Variants in PLXNA4 observed in about 807,000 individuals in gnomAD.
PLXNA4 encodes the protein plexin-A4.
PLXNA4 carries 44 observed loss-of-function variants against 191.8 expected under a neutral mutation model. The ratio of observed to expected loss-of-function variants is 0.23; its 90% CI spans 0.18 to 0.29. PLXNA4 has a LOEUF of 0.29. Among genes scored for constraint, PLXNA4 ranks in the 10% least tolerant of loss-of-function variants. The pLI is 1.00. For missense variants in PLXNA4, 1,800 were observed against 2,488.8 expected (o/e 0.72, Z 5.89); for synonymous variants, 1,082 against 1,009.5 (o/e 1.07, Z -1.36).
chr7:132,292,079 G>A (rs1048804263), intron 4 of PLXNA4, among the ~76,000 whole-genome samples: 6 of 152,204 alleles, frequency 3.9e-5, no homozygotes, highest in Non-Finnish European at 8.8e-5. Flanking sequence ...GCAGGCGTGA[G>A]CCCCCACACT....
At chr7:132,563,829 T>C (rs1484151060) in intron 1 of PLXNA4, among the ~76,000 whole-genome samples, 152 of 23,862 alleles carry the variant, frequency 6.4e-3, no homozygotes, top group Middle Eastern at 0.042. Flanking sequence ...TCCTCCTCCT[T>C]CTCCTCCTCC....
At chr7:132,171,053 C>T (rs1796271562) in intron 21 of PLXNA4, among the ~76,000 whole-genome samples, 1 of 152,222 alleles carries the variant, frequency 6.6e-6, no homozygotes, top group Admixed American at 6.5e-5. Flanking sequence ...TTTACCTTGC[C>T]ATCAGCCCGG....
In PLXNA4 at chr7:132,168,559, C is replaced by T. The variant is rs201634564; in HGVS notation, c.4031G>A (p.Arg1344Gln). 5.0e-5 allele frequency: 79 copies of T among 1,584,910 alleles called. No individual in the cohort carries two copies. The highest frequency in any genetic ancestry group is 1.5e-4 in the Admixed American group (9 of 58,596). The change falls in exon 22 of 32, where the codon CGG (arginine) becomes CAG (glutamine). Residue 1344 changes from arginine to glutamine, a missense_variant. Around this residue, in one of 6 missense-constraint regions of PLXNA4, gnomAD observed 1,397 missense variants for 1,880.4 expected, o/e 0.74. Coordinates refer to ENST00000321063, the MANE Select transcript of PLXNA4 (RefSeq NM_020911.2). ...CAGGCCTTTCTCCACACGCTCCTGC[C>T]GGTAGCCCGGGACCTGCAGAGAGAC... Reference protein sequence around the residue: ...VLRDLEVPGYRQERVEKGLKL... With the variant: ...VLRDLEVPGYQQERVEKGLKL...
At chr7:132,392,088 A>G (rs773101980) in intron 3 of PLXNA4, among the ~76,000 whole-genome samples, 58 of 151,914 alleles carry the variant, frequency 3.8e-4, no homozygotes, top group Middle Eastern at 3.2e-3. Context: ...AGATCACACC[A>G]TTGCACTCCA....
At chr7:132,421,239 G>A (rs1350183497) in intron 3 of PLXNA4, among the ~76,000 whole-genome samples, 3 of 152,110 alleles carry the variant, frequency 2.0e-5, no homozygotes, top group East Asian at 3.8e-4. Flanking sequence ...TCATGTTTTC[G>A]AGGTTCATCT....
intron 2 of PLXNA4, among the ~76,000 whole-genome samples, chr7:132,614,607 G>C (rs921979370): frequency 6.6e-6 from 1 of 152,240 alleles, no homozygotes; most frequent in Non-Finnish European, 1.5e-5. Context: ...CCCAGGCAAG[G>C]CTGGCAGGCA....
At chr7:132,465,226 G>A (rs933967254) in intron 3 of PLXNA4, among the ~76,000 whole-genome samples, 7 of 152,284 alleles carry the variant, frequency 4.6e-5, no homozygotes, top group African/African-American at 1.4e-4. Flanking sequence ...CTCTAGTTGT[G>A]CTGCATTGGG....
intron 2 of PLXNA4, among the ~76,000 whole-genome samples, chr7:132,623,723 TA>T (rs550389712): frequency 3.3e-4 from 50 of 152,288 alleles, no homozygotes; most frequent in Middle Eastern, 3.4e-3. Flanking sequence ...GAGAACAGTT[TA>T]AAAACAACCA....
chr7:132,257,885 T>A (rs6973565), intron 4 of PLXNA4, among the ~76,000 whole-genome samples: 26,617 of 152,258 alleles, frequency 0.17, 2,597 homozygotes, highest in African/African-American at 0.25. Flanking sequence ...AGGGTCCCTC[T>A]CAGCTTTCTG....
chr7:132,146,944 T>G (rs1439843922), intron 27 of PLXNA4, among the ~76,000 whole-genome samples: 2 of 152,244 alleles, frequency 1.3e-5, no homozygotes, highest in Non-Finnish European at 2.9e-5. Flanking sequence ...TCCTGTACTC[T>G]GCATCGTGTC....
At chr7:132,573,533 T>G (rs572795051) in intron 1 of PLXNA4, among the ~76,000 whole-genome samples, 1 of 152,288 alleles carries the variant, frequency 6.6e-6, no homozygotes, top group South Asian at 2.1e-4. Flanking sequence ...CCCCACTTCA[T>G]TCCCAGCAGC....
At chr7:132,308,639 G>A (rs1225281984) in intron 3 of PLXNA4, among the ~76,000 whole-genome samples, 2 of 152,124 alleles carry the variant, frequency 1.3e-5, no homozygotes, top group Admixed American at 6.5e-5. Context: ...CTTAGGAACT[G>A]TGCAGCCTCA....
intron 3 of PLXNA4, among the ~76,000 whole-genome samples, chr7:132,480,988 C>CA (rs939035259): frequency 1.7e-4 from 26 of 152,124 alleles, no homozygotes; most frequent in African/African-American, 6.0e-4. Context: ...GAGTCCTCAG[C>CA]ATGTCAGGTC....
chr7:132,260,979 G>C (rs1799620788), intron 4 of PLXNA4, among the ~76,000 whole-genome samples: 1 of 152,096 alleles, frequency 6.6e-6, no homozygotes. Flanking sequence ...AGGAGGCAGG[G>C]GGTTTATAGG....
At chr7:132,404,341 C>T (rs2117055416) in intron 3 of PLXNA4, among the ~76,000 whole-genome samples, 1 of 152,366 alleles carries the variant, frequency 6.6e-6, no homozygotes, top group African/African-American at 2.4e-5. Context: ...GTGACTTCAT[C>T]ACTCAAACCA....
At chr7:132,422,780 A>G (rs1336471193) in intron 3 of PLXNA4, among the ~76,000 whole-genome samples, 2 of 152,284 alleles carry the variant, frequency 1.3e-5, no homozygotes, top group East Asian at 3.9e-4. Context: ...AATCTCTCTT[A>G]ATCCTCATAA....
intron 1 of PLXNA4, among the ~76,000 whole-genome samples, chr7:132,572,074 C>T (rs1365205588): frequency 6.6e-6 from 1 of 152,182 alleles, no homozygotes; most frequent in Non-Finnish European, 1.5e-5. Context: ...TAAACTTCCT[C>T]CCAAGCACTC....
intron 4 of PLXNA4, among the ~76,000 whole-genome samples, chr7:132,278,259 C>T (rs571134684): frequency 7.9e-5 from 12 of 152,246 alleles, no homozygotes; most frequent in Admixed American, 2.6e-4. Flanking sequence ...TCTTTTTGCA[C>T]GGCGCCAGGC....
chr7:132,638,732 C>G (rs1051707448), intron 2 of PLXNA4, among the ~76,000 whole-genome samples: 1 of 152,002 alleles, frequency 6.6e-6, no homozygotes, highest in Non-Finnish European at 1.5e-5. Context: ...TCTCTTTTAC[C>G]CTTTTTACCC....
Sources: allele counts gnomAD v4.1 joint callset (sites outside exome capture counted in the v4.1 genomes callset), GRCh38; gene constraint gnomAD v4.1.1; regional missense constraint gnomAD v4.1.1; transcripts MANE v1.5; gene names NCBI Gene and HGNC (gene_info 2026-07-23, HGNC 2026-07-21).